The following EYS variants were observed in gnomAD, a reference collection of about 807,000 sequenced individuals.
The protein encoded by EYS is EGF-like photoreceptor maintenance factor.
A neutral mutation model predicts 282.1 loss-of-function variants in EYS; 250 were observed. That is an observed-to-expected ratio of 0.89 (90% confidence interval 0.80 to 0.98). The LOEUF (loss-of-function observed/expected upper bound fraction) is 0.98, where lower values mean the gene tolerates loss of function less well. Ranked by LOEUF, EYS falls within the 50% of genes least tolerant of loss-of-function variation. The pLI is 0.00. For missense variants in EYS, 4,016 were observed against 3,709.0 expected, an observed-to-expected ratio of 1.08 and a Z score of -2.15; for synonymous variants, 1,355 against 1,282.9, an observed-to-expected ratio of 1.06 and a Z score of -1.20.
At chr6:64,450,134 T>G (rs1240611919) in intron 26 of EYS, among the ~76,000 whole-genome samples, 1 of 151,320 alleles carries the variant, frequency 6.6e-6, no homozygotes, top group Non-Finnish European at 1.5e-5. Flanking sequence ...GAGACACACA[T>G]AGGCTCAAAA....
intron 15 of EYS, among the ~76,000 whole-genome samples, chr6:64,931,641 A>G: frequency 6.6e-6 from 1 of 152,250 alleles, no homozygotes; most frequent in East Asian, 1.9e-4. Context: ...AACAAGATCA[A>G]TGTTTTAAAT....
At chr6:64,263,418 T>A (rs949814949) in intron 30 of EYS, among the ~76,000 whole-genome samples, 2 of 152,124 alleles carry the variant, frequency 1.3e-5, no homozygotes, top group African/African-American at 4.8e-5. Flanking sequence ...CATCTTCTTA[T>A]TCTTTTAAGC....
intron 1 of EYS, among the ~76,000 whole-genome samples, chr6:65,687,097 G>A (rs1769048885): frequency 6.6e-6 from 1 of 151,984 alleles, no homozygotes; most frequent in Non-Finnish European, 1.5e-5. Context: ...GGATGCATTA[G>A]CCATATTACT....
chr6:65,337,597 TTTAAAAAAAGAG>T (rs1156960918), intron 10 of EYS, among the ~76,000 whole-genome samples: 1 of 151,114 alleles, frequency 6.6e-6, no homozygotes, highest in Non-Finnish European at 1.5e-5. Context: ...TGTGCTTTTC[TTTAAAAAAAGAG>T]AATATTCTCT....
intron 26 of EYS, among the ~76,000 whole-genome samples, chr6:64,478,878 G>A (rs909477541): frequency 6.6e-6 from 1 of 151,348 alleles, no homozygotes; most frequent in Non-Finnish European, 1.5e-5. Flanking sequence ...TAATTTCATT[G>A]AAATAGTCTA....
chr6:64,898,565 T>C (rs1475856705), intron 18 of EYS, among the ~76,000 whole-genome samples: 1 of 151,890 alleles, frequency 6.6e-6, no homozygotes, highest in African/African-American at 2.4e-5. Flanking sequence ...AATAACCAGC[T>C]AGCATCATAA....
At chr6:64,652,761 A>G (rs142719824) in intron 22 of EYS, among the ~76,000 whole-genome samples, 224 of 151,202 alleles carry the variant, frequency 1.5e-3, no homozygotes, top group African/African-American at 5.1e-3. Context: ...CCTCCTCTAC[A>G]TGTAGCGATA....
At position 63,859,537 on chromosome 6, in the gene EYS, C is replaced by T. The variant is rs937440291; in HGVS notation, c.7228+4649G>A. Reference sequence around the variant, plus strand: ...AAGGACAAAAGAGAGCAAGAGATAACGCATTCCACCTTTGTCTTTAGAATG... The same window carrying T: ...AAGGACAAAAGAGAGCAAGAGATAATGCATTCCACCTTTGTCTTTAGAATG... On this transcript the variant is annotated intron_variant, in intron 36 of 42. Coordinates refer to ENST00000503581, the MANE Select transcript of EYS (RefSeq NM_001142800.2). 7.9e-5 allele frequency among the ~76,000 whole-genome samples: 12 copies of T among 151,256 alleles called. No individual in the cohort carries two copies. The South Asian group carries it at 1.9e-3, about 24-fold the overall frequency.
At chr6:65,474,646 A>C (rs1448629909) in intron 5 of EYS, among the ~76,000 whole-genome samples, 1 of 152,168 alleles carries the variant, frequency 6.6e-6, no homozygotes, top group Admixed American at 6.5e-5. Flanking sequence ...CAACTTCCAG[A>C]TTTGGGAGGA....
At position 64,799,220 on chromosome 6, in the gene EYS, G is replaced by T. The variant is rs1244929736; in HGVS notation, c.3443+14158C>A. Among the ~76,000 whole-genome samples the T allele has an allele frequency of 7.9e-5, 12 of 151,586 alleles. No individual in the cohort carries two copies. In the East Asian group the frequency reaches 2.1e-3, roughly 27 times the overall value. ...CTACTTTTTTTTAATTTAAATGATG[G>T]TTCCTTGTAATCCATCAAATCTCAT... On this transcript the variant is annotated intron_variant, in intron 22 of 42. Coordinates refer to ENST00000503581, the MANE Select transcript of EYS (RefSeq NM_001142800.2).
intron 37 of EYS, among the ~76,000 whole-genome samples, chr6:63,800,387 G>A (rs1324676897): frequency 6.6e-6 from 1 of 152,196 alleles, no homozygotes; most frequent in African/African-American, 2.4e-5. Context: ...GTATTTATAT[G>A]TGACAGCCAC....
intron 19 of EYS, among the ~76,000 whole-genome samples, chr6:64,877,856 T>G (rs1269168964): frequency 6.6e-6 from 1 of 152,186 alleles, no homozygotes; most frequent in Non-Finnish European, 1.5e-5. Flanking sequence ...AGGTAAATAT[T>G]TATTCATATG....
At chr6:64,508,967 T>G (rs1485489642) in intron 26 of EYS, among the ~76,000 whole-genome samples, 1 of 152,052 alleles carries the variant, frequency 6.6e-6, no homozygotes, top group Non-Finnish European at 1.5e-5. Context: ...GGCAGGTTTT[T>G]GCTAACTTCG....
intron 2 of EYS, among the ~76,000 whole-genome samples, chr6:65,527,852 A>C (rs917874813): frequency 6.6e-6 from 1 of 152,220 alleles, no homozygotes; most frequent in African/African-American, 2.4e-5. Context: ...AGGGTTACAA[A>C]GTAACACATC....
intron 12 of EYS, among the ~76,000 whole-genome samples, chr6:65,123,443 T>C (rs1187597823): frequency 1.3e-5 from 2 of 152,168 alleles, no homozygotes; most frequent in Non-Finnish European, 2.9e-5. Flanking sequence ...TTAAGTTGCG[T>C]ATATGGACAG....
chr6:65,011,943 C>G (rs146275052), intron 13 of EYS, among the ~76,000 whole-genome samples: 10,313 of 152,208 alleles, frequency 0.068, 439 homozygotes, highest in East Asian at 0.13. Flanking sequence ...GCTCTGTTTT[C>G]ACTCTATTAA....
intron 2 of EYS, among the ~76,000 whole-genome samples, chr6:65,581,450 A>G (rs1285901264): frequency 2.0e-5 from 3 of 152,152 alleles, no homozygotes; most frequent in Non-Finnish European, 4.4e-5. Flanking sequence ...GGCCAGAATT[A>G]TTCTTAGTAG....
chr6:64,916,262 C>T (rs191064385), intron 15 of EYS, among the ~76,000 whole-genome samples: 5 of 152,156 alleles, frequency 3.3e-5, no homozygotes, highest in East Asian at 1.9e-4. Flanking sequence ...TAAGAAAAAC[C>T]GACAATTCTT....
intron 11 of EYS, among the ~76,000 whole-genome samples, chr6:65,311,278 A>G (rs953389640): frequency 2.0e-5 from 3 of 152,168 alleles, no homozygotes; most frequent in African/African-American, 7.2e-5. Flanking sequence ...GAGCTGGGAC[A>G]TAAGTTTTAC....
Sources: gnomAD v4.1 joint callset for allele counts (sites outside exome capture counted in the v4.1 genomes callset) on GRCh38, gnomAD v4.1.1 for gene constraint, MANE v1.5 for transcripts, NCBI Gene and HGNC (gene_info 2026-07-23, HGNC 2026-07-21) for gene names.